Variants in GABRR3 observed in about 807,000 individuals in gnomAD.
The protein encoded by GABRR3 is gamma-aminobutyric acid type A receptor subunit rho3.
GABRR3 carries 29 observed loss-of-function variants against 43.2 expected under a neutral mutation model. That is an observed-to-expected ratio of 0.67 (90% CI 0.50 to 0.92). The LOEUF (loss-of-function observed/expected upper bound fraction) is 0.92, where lower values mean the gene tolerates loss of function less well. Ranked by LOEUF, GABRR3 falls within the 40% of genes least tolerant of loss-of-function variation. The pLI, the probability that GABRR3 is intolerant of heterozygous loss-of-function variation, is 0.00. For synonymous variants in GABRR3, 206 were observed against 195.9 expected, an observed-to-expected ratio of 1.05 and a Z score of -0.43; for missense variants, 576 against 572.3, an observed-to-expected ratio of 1.01 and a Z score of -0.07.
chr3:98,032,600 C>T (rs1576053941), intron 2 of GABRR3, among the ~76,000 whole-genome samples: 1 of 152,252 alleles, frequency 6.6e-6, no homozygotes, highest in Non-Finnish European at 1.5e-5. Context: ...TTACTTTATT[C>T]ACACCTCTCC....
rs141914314 is a variant in GABRR3, at chr3:98,023,353, T to C, written c.238+2214A>G. On this transcript the variant is annotated intron_variant, in intron 3 of 9. Coordinates refer to ENST00000621172, the Ensembl canonical transcript of GABRR3. The stretch of plus-strand genomic sequence containing the variant: ...TTAGGGCAGGTTTTTGAATTCGTGT[T>C]GAAAAGAGCTTCCAACTGTGGCTCC... 4.3e-3 allele frequency among the ~76,000 whole-genome samples: 650 copies of C among 152,268 alleles called. 2 individuals carry two copies. Among genetic ancestry groups the C allele is most frequent in the African/African-American group, 0.015 (629 of 41,552 alleles).
chr3:98,034,952 G>C lies in GABRR3; in HGVS notation c.36C>G (p.Tyr12Ter), dbSNP rs1343994357. Residue 12 changes from tyrosine (Y) to a stop codon, truncating the protein, a stop_gained, in exon 2 of 10, where the codon TAC (tyrosine) becomes TAG (stop). Coordinates refer to ENST00000621172, the Ensembl canonical transcript of GABRR3. LOFTEE classifies it high-confidence loss of function. ...CATTTGGTTTCAATATGATCCAGAT[G>C]TAGGTGAAGGAGACTAACTGGAAAG... 4 of 1,612,826 alleles carry C rather than the reference G, an allele frequency of 2.5e-6. No homozygotes were observed. The Admixed American group carries it at 6.7e-5, about 27-fold the overall frequency.
At chr3:98,028,705 A>G (rs1048491616) in intron 2 of GABRR3, among the ~76,000 whole-genome samples, 2 of 152,160 alleles carry the variant, frequency 1.3e-5, no homozygotes, top group Admixed American at 6.5e-5. Flanking sequence ...TTTAAGAAAG[A>G]GGTCAGAGGG....
chr3:98,002,512 C>G (rs772520958), intron 7 of GABRR3, among the ~76,000 whole-genome samples: 27 of 152,170 alleles, frequency 1.8e-4, no homozygotes, highest in Non-Finnish European at 3.7e-4. Context: ...TACAGGACTT[C>G]TCTGAGCACC....
chr3:97,989,195 G>A (rs1175835062), intron 9 of GABRR3, among the ~76,000 whole-genome samples: 1 of 151,360 alleles, frequency 6.6e-6, no homozygotes, highest in African/African-American at 2.4e-5. Flanking sequence ...AGTAATGTTA[G>A]TGGATGGTGG....
At chr3:97,992,790 A>C in intron 9 of GABRR3, 62 bp downstream of exon 9, 1 of 1,435,344 alleles carries the variant, frequency 7.0e-7, no homozygotes, top group Non-Finnish European at 9.4e-7. Context: ...AGAGAGGGCA[A>C]TAGATAAGGG....
chr3:97,992,938 A>G lies in GABRR3; in HGVS notation c.1018T>C (p.Phe340Leu), dbSNP rs1559773441. Residue 340 changes from phenylalanine to leucine, a missense_variant, in exon 9 of 10, where the codon TTT becomes CTT. Physicochemically the swap from Phe to Leu is conservative, Grantham distance 22 (BLOSUM62 0). Coordinates refer to ENST00000621172, the Ensembl canonical transcript of GABRR3. ...TACTCAATGACTGACAGGAACACAAAGAGGGAGCTGACCCACAGGTACACA... is the reference window on the plus strand; with the variant it reads ...TACTCAATGACTGACAGGAACACAAGGAGGGAGCTGACCCACAGGTACACA... 1.9e-6 allele frequency: 3 copies of G among 1,613,758 alleles called. No homozygotes were observed. The South Asian group carries it at 3.3e-5, about 18-fold the overall frequency.
intron 2 of GABRR3, among the ~76,000 whole-genome samples, chr3:98,032,671 G>A (rs1229423853): frequency 6.6e-6 from 1 of 151,952 alleles, no homozygotes. Flanking sequence ...AAGTCTTTAG[G>A]TTTTGAAAGA....
chr3:98,029,157 A>C (rs1388985471), intron 2 of GABRR3, among the ~76,000 whole-genome samples: 2 of 152,146 alleles, frequency 1.3e-5, no homozygotes, highest in African/African-American at 4.8e-5. Context: ...TTCGTGGGAG[A>C]GCCTCTCACT....
intron 2 of GABRR3, among the ~76,000 whole-genome samples, chr3:98,026,030 T>C (rs184649494): frequency 6.6e-6 from 1 of 152,118 alleles, no homozygotes; most frequent in Admixed American, 6.6e-5. Context: ...CCAGATCAAC[T>C]AAATCAGTCC....
chr3:98,032,177 C>T (rs574086948), intron 2 of GABRR3, among the ~76,000 whole-genome samples: 1 of 152,064 alleles, frequency 6.6e-6, no homozygotes, highest in South Asian at 2.1e-4. Context: ...TAAATAACCT[C>T]AAGAGCAACA....
At chr3:98,007,702 G>T in intron 7 of GABRR3, 62 bp downstream of exon 7, 1 of 1,578,128 alleles carries the variant, frequency 6.3e-7, no homozygotes, top group Non-Finnish European at 8.7e-7. Context: ...GCATGTTGTG[G>T]TGCTTTGCAA....
At chr3:97,987,010 G>T (rs761474951) in intron 9 of GABRR3, 28 bp from the exon 10 acceptor site, 4 of 1,422,502 alleles carry the variant, frequency 2.8e-6, no homozygotes, top group Non-Finnish European at 3.8e-6. Flanking sequence ...TTTAAAGTAG[G>T]TCTTGAATAT....
chr3:98,026,137 G>A (rs1707012611), intron 2 of GABRR3, among the ~76,000 whole-genome samples: 1 of 152,148 alleles, frequency 6.6e-6, no homozygotes, highest in South Asian at 2.1e-4. Context: ...AAGACAGCGA[G>A]AAAACGAAAG....
rs1024778652 is a variant in GABRR3, at chr3:97,992,800, G to T, written c.1104+52C>A. ...TGTCAAGAGAGGGCAATAGATAAGG[G>T]TAGTCTTTTCCACATTCCCCAAGGG... On this transcript the variant is annotated intron_variant, in intron 9 of 9. Coordinates refer to ENST00000621172, the Ensembl canonical transcript of GABRR3. 16 of 1,491,498 alleles carry T rather than the reference G, an allele frequency of 1.1e-5. No homozygotes were observed. The African/African-American group carries it at 1.9e-4, about 18-fold the overall frequency. The allele number at this position is 1,491,498 out of a possible 1,614,324, so 92.4% of individuals were successfully genotyped here. A position where few individuals can be genotyped will look rare whatever the true frequency, so the allele number is the denominator to read the frequency against.
At chr3:97,987,308 A>T (rs1175703032) in intron 9 of GABRR3, among the ~76,000 whole-genome samples, 2 of 152,216 alleles carry the variant, frequency 1.3e-5, no homozygotes, top group East Asian at 3.8e-4. Flanking sequence ...CCTATAAATG[A>T]TCCTAACATG....
chr3:98,002,553 A>T (rs1706664027), intron 7 of GABRR3, among the ~76,000 whole-genome samples: 1 of 152,122 alleles, frequency 6.6e-6, no homozygotes, highest in African/African-American at 2.4e-5. Flanking sequence ...ACATACCAGG[A>T]TATATATAAT....
intron 3 of GABRR3, among the ~76,000 whole-genome samples, chr3:98,019,002 C>T (rs141533564): frequency 3.3e-5 from 5 of 151,818 alleles, no homozygotes; most frequent in Admixed American, 1.3e-4. Context: ...TCCAGCTACT[C>T]GGAAGACTGA....
intron 8 of GABRR3, chr3:98,000,816 GGC>G (rs1297583396): frequency 6.6e-6 from 1 of 152,048 alleles, no homozygotes; most frequent in Non-Finnish European, 1.5e-5. Flanking sequence ...CAGCAAAAAA[GGC>G]AAGTGGGATT....
Sources: allele counts gnomAD v4.1 joint callset (sites outside exome capture counted in the v4.1 genomes callset), GRCh38; gene constraint gnomAD v4.1.1; transcripts MANE v1.5; gene names NCBI Gene and HGNC (gene_info 2026-07-23, HGNC 2026-07-21).